TRPV1: variants seen among roughly 807,000 people sequenced by gnomAD.
TRPV1 encodes transient receptor potential cation channel subfamily V member 1, also known as OTRPC1.
Under a neutral mutation model 82.3 loss-of-function variants are expected in TRPV1, and 82 were observed. The ratio of observed to expected loss-of-function variants is 1.00; its 90% CI spans 0.83 to 1.20. The LOEUF (loss-of-function observed/expected upper bound fraction) is 1.20, where lower values mean the gene tolerates loss of function less well. Ranked by LOEUF, TRPV1 falls within the 50% of genes most tolerant of loss-of-function variation. The pLI is 0.00. For missense variants in TRPV1, 1,067 were observed against 1,096.8 expected, an observed-to-expected ratio of 0.97 and a Z score of 0.38; for synonymous variants, 515 against 467.7, an observed-to-expected ratio of 1.10 and a Z score of -1.30.
intron 16 of TRPV1, among the ~76,000 whole-genome samples, chr17:3,569,986 G>GGTCAGGGAGGAGGGGCCAAGCA (rs2074829511): frequency 3.3e-5 from 5 of 149,922 alleles, no homozygotes; most frequent in Admixed American, 6.6e-5. Context: ...GGGGCCAAGC[G>GGTCAGGGAGGAGGGGCCAAGCA]GTCAGGGAGG....
Position 3,566,777 on chromosome 17 carries a change from T to C in TRPV1, c.*38A>G. On this transcript the variant is annotated 3_prime_UTR_variant, in exon 17 of 17. Transcript: ENST00000572705. ...AGCCCCCCGTGGCAACGGGGTCTCC[T>C]AAGGCCCAGTGTTGACAGTGCTGTC... 6.2e-7 allele frequency: 1 copy of C among 1,604,608 alleles called. No homozygotes were observed. The highest frequency in any genetic ancestry group is 1.1e-5 in the South Asian group (1 of 89,958).
At chr17:3,588,442 C>G (rs1434188911) in intron 7 of TRPV1, 75 bp from the exon 8 acceptor site, 1 of 1,485,242 alleles carries the variant, frequency 6.7e-7, no homozygotes, top group African/African-American at 1.4e-5. Context: ...ACAACCAGCT[C>G]TGCTTCCCAG....
intron 2 of TRPV1, chr17:3,597,243 G>A (rs747804548): frequency 1.2e-4 from 19 of 156,204 alleles, no homozygotes; most frequent in Non-Finnish European, 2.1e-4. Flanking sequence ...CCATGCCAGG[G>A]CTGCAGAGCA....
intron 2 of TRPV1, chr17:3,601,754 G>T (rs1249498595): frequency 8.2e-6 from 1 of 121,872 alleles, no homozygotes; most frequent in African/African-American, 3.2e-5. Context: ...GCACCACCAC[G>T]CTCGGATTTT....
intron 7 of TRPV1, 139 bp from the exon 8 acceptor site, chr17:3,588,506 A>G (rs1289064805): frequency 1.1e-6 from 1 of 946,206 alleles, no homozygotes; most frequent in Non-Finnish European, 1.6e-6. Context: ...ACTCCTGACC[A>G]CCACTGAGAT....
chr17:3,599,632 C>CTTTTTTTTTTTT (rs34701684), intron 2 of TRPV1, among the ~76,000 whole-genome samples: 1 of 141,564 alleles, frequency 7.1e-6, no homozygotes, highest in African/African-American at 2.7e-5. Flanking sequence ...TTTTTCTTTT[C>CTTTTTTTTTTTT]TTTTTTTTTT....
intron 2 of TRPV1, chr17:3,601,901 T>G (rs1014869119): frequency 6.6e-6 from 1 of 152,040 alleles, no homozygotes; most frequent in African/African-American, 2.4e-5. Context: ...ACTCCAGAAG[T>G]GCTCACTTCT....
In TRPV1 at chr17:3,581,919, A is replaced by G. The variant is rs529863452; in HGVS notation, c.1477-1392T>C. 2.5e-3 allele frequency among the ~76,000 whole-genome samples: 362 copies of G among 143,924 alleles called. 3 individuals are homozygous for G. Among genetic ancestry groups the G allele is most frequent in the Middle Eastern group, 0.011 (3 of 264 alleles). 94.4% of individuals were successfully genotyped at this position (143,924 alleles called of 152,430 possible). ...AAAAAATCACAATGGGGCCAGGCAC[A>G]GTGGCTCACACCTGTAATCCCAGCA... On this transcript the variant is annotated intron_variant, in intron 10 of 16. Transcript: ENST00000572705.
At chr17:3,574,587 G>C (rs1161095911) in intron 13 of TRPV1, among the ~76,000 whole-genome samples, 1 of 152,228 alleles carries the variant, frequency 6.6e-6, no homozygotes, top group Non-Finnish European at 1.5e-5. Flanking sequence ...GGGACAGGGA[G>C]GGTGCACCAT....
At chr17:3,596,645 C>A (rs1199454825) in intron 2 of TRPV1, among the ~76,000 whole-genome samples, 2 of 152,240 alleles carry the variant, frequency 1.3e-5, no homozygotes, top group African/African-American at 4.8e-5. Flanking sequence ...AAGAACAAAC[C>A]CCAGTAACAA....
At chr17:3,585,590 C>T (rs1280226006) in intron 9 of TRPV1, 178 bp downstream of exon 9, 2 of 731,976 alleles carry the variant, frequency 2.7e-6, no homozygotes, top group African/African-American at 3.5e-5. Context: ...CAGCCTGAGG[C>T]AGGGGAGATG....
At chr17:3,596,047 A>G (rs1020008256) in intron 2 of TRPV1, among the ~76,000 whole-genome samples, 5 of 152,180 alleles carry the variant, frequency 3.3e-5, no homozygotes, top group Non-Finnish European at 7.4e-5. Context: ...ATTTAGGCAA[A>G]CGAGTGTTGG....
chr17:3,573,926 T>C lies in TRPV1; in HGVS notation c.1810A>G (p.Asn604Asp), dbSNP rs2074895327. Residue 604 changes from asparagine (N) to aspartate (D), a missense_variant, in exon 14 of 17, where the codon AAT becomes GAT. Coordinates refer to ENST00000572705, the MANE Select transcript of TRPV1 (RefSeq NM_080704.4). The stretch of plus-strand genomic sequence containing the variant: ...GTGGACTCAGACGGCAGGGAGTCAT[T>C]CTTCCCGTCTTCAATCAGCGTCACC... The part of the protein sequence containing the change: ...AVVTLIEDGK[N>D]DSLPSESTSH... The C allele has an allele frequency of 6.2e-6, 10 of 1,605,328 alleles. No individual in the cohort carries two copies. Among genetic ancestry groups the C allele is most frequent in the Non-Finnish European group, 7.6e-6 (9 of 1,177,268 alleles).
At chr17:3,571,864 G>A (rs2074858412) in intron 15 of TRPV1, among the ~76,000 whole-genome samples, 1 of 152,158 alleles carries the variant, frequency 6.6e-6, no homozygotes, top group African/African-American at 2.4e-5. Flanking sequence ...AGGCTCTGAC[G>A]CTGCTCACTA....
chr17:3,605,440 G>A (rs1411928484), intron 2 of TRPV1, among the ~76,000 whole-genome samples: 1 of 152,100 alleles, frequency 6.6e-6, no homozygotes, highest in East Asian at 1.9e-4. Flanking sequence ...AACCCGGGAG[G>A]CTGAGGTTGT....
At chr17:3,573,583 C>A in intron 14 of TRPV1, 50 bp downstream of exon 14, 2 of 1,189,118 alleles carry the variant, frequency 1.7e-6, no homozygotes, top group South Asian at 1.5e-5. Context: ...GCAGACAGAG[C>A]CGCCCACACT....
At chr17:3,584,076 G>A (rs553813709) in intron 9 of TRPV1, among the ~76,000 whole-genome samples, 3 of 152,052 alleles carry the variant, frequency 2.0e-5, no homozygotes, top group East Asian at 3.9e-4. Context: ...TTCGAGACCA[G>A]CCTGACCAAC....
intron 8 of TRPV1, among the ~76,000 whole-genome samples, chr17:3,587,121 A>G (rs2075094659): frequency 1.3e-5 from 2 of 152,308 alleles, no homozygotes; most frequent in South Asian, 4.1e-4. Flanking sequence ...TGGTGGTCCC[A>G]GAGCCTCTCC....
intron 2 of TRPV1, among the ~76,000 whole-genome samples, chr17:3,594,462 ACCAGCTACGTTCTGAATCTCAGAT>A (rs1014133845): frequency 3.3e-5 from 5 of 152,132 alleles, no homozygotes; most frequent in African/African-American, 9.7e-5. Context: ...ATGGCTGTAA[ACCAGCTACGTTCTGAATCTCAGAT>A]CCATGAAAAC....
Sources: gnomAD v4.1 joint callset for allele counts (sites outside exome capture counted in the v4.1 genomes callset) on GRCh38, gnomAD v4.1.1 for gene constraint, MANE v1.5 for transcripts, NCBI Gene and HGNC (gene_info 2026-07-23, HGNC 2026-07-21) for gene names.